CDC5L: variants seen among roughly 807,000 people sequenced by gnomAD.
CDC5L encodes the protein cell division cycle 5 like.
Under a neutral mutation model 104.1 loss-of-function variants are expected in CDC5L, and 18 were observed. The ratio of observed to expected loss-of-function variants is 0.17; its 90% CI spans 0.12 to 0.26. The LOEUF is 0.26. Among genes scored for constraint, CDC5L ranks in the 10% least tolerant of loss-of-function variants. The pLI, the probability that CDC5L is intolerant of heterozygous loss-of-function variation, is 1.00. For missense variants in CDC5L, 673 were observed against 956.9 expected (o/e 0.70, Z 3.91); for synonymous variants, 331 against 322.7 (o/e 1.03, Z -0.28).
intron 1 of CDC5L, 122 bp from the exon 2 acceptor site, chr6:44,390,146 G>T: frequency 3.2e-6 from 2 of 621,566 alleles, no homozygotes; most frequent in South Asian, 1.9e-5. Context: ...TTTAACCTAG[G>T]TGGTGTGTAT....
intron 3 of CDC5L, among the ~76,000 whole-genome samples, 183 bp from the exon 4 acceptor site, chr6:44,393,263 A>G (rs1790702963): frequency 6.7e-6 from 1 of 149,430 alleles, no homozygotes; most frequent in Non-Finnish European, 1.5e-5. Context: ...GAAACCAGTC[A>G]CTGAAATCAG....
chr6:44,411,642 G>GTGTGTGTGTGTGT (rs978560316), intron 8 of CDC5L, among the ~76,000 whole-genome samples: 3 of 151,008 alleles, frequency 2.0e-5, no homozygotes, highest in Admixed American at 6.6e-5. Flanking sequence ...GAGAGAGTGT[G>GTGTGTGTGTGTGT]TGTGTGTGTG....
intron 8 of CDC5L, among the ~76,000 whole-genome samples, chr6:44,411,608 C>CAG (rs1292898511): frequency 3.0e-5 from 4 of 135,442 alleles, no homozygotes; most frequent in East Asian, 3.4e-4. Context: ...CTGTGAGAGA[C>CAG]AGAGAGAGAG....
At chr6:44,391,835 C>T (rs1390827573) in intron 2 of CDC5L, among the ~76,000 whole-genome samples, 1 of 151,694 alleles carries the variant, frequency 6.6e-6, no homozygotes, top group South Asian at 2.1e-4. Context: ...GTGAAAACCC[C>T]GTCTCTTCTA....
In CDC5L at chr6:44,396,617, T is replaced by A. The variant is rs568205496; in HGVS notation, c.539+177T>A. 2.0e-5 allele frequency among the ~76,000 whole-genome samples: 3 copies of A among 151,908 alleles called. No homozygotes were observed. The East Asian group carries it at 5.9e-4, about 30-fold the overall frequency. ...CCTCTAATTCAGTTAACTCTAATAC[T>A]GTCTACCTGGAGATAGCTCCAGATC... is the stretch of plus-strand genomic sequence containing the variant. On this transcript the variant is annotated intron_variant, in intron 5 of 15. Transcript: ENST00000371477.
chr6:44,397,898 G>T (rs1051438586), intron 5 of CDC5L, among the ~76,000 whole-genome samples: 1 of 152,164 alleles, frequency 6.6e-6, no homozygotes, highest in African/African-American at 2.4e-5. Flanking sequence ...CAGAAACCAA[G>T]ATGATGTCAC....
intron 5 of CDC5L, 129 bp from the exon 6 acceptor site, chr6:44,403,680 G>GGT (rs1471760583): frequency 7.7e-6 from 5 of 651,034 alleles, no homozygotes; most frequent in Non-Finnish European, 7.7e-6. Flanking sequence ...TTTGGTGAAT[G>GGT]GTGTGAGGTA....
chr6:44,390,891 A>G (rs1333096579), intron 2 of CDC5L, among the ~76,000 whole-genome samples: 1 of 147,568 alleles, frequency 6.8e-6, no homozygotes, highest in Non-Finnish European at 1.5e-5. Context: ...TATATATTAT[A>G]TATTAAACAT....
intron 6 of CDC5L, among the ~76,000 whole-genome samples, chr6:44,404,961 T>A (rs1276478276): frequency 1.3e-5 from 2 of 152,216 alleles, no homozygotes; most frequent in African/African-American, 4.8e-5. Context: ...CACAAAGTGT[T>A]GGGATTACAG....
At chr6:44,416,220 G>A (rs1428829261) in intron 8 of CDC5L, among the ~76,000 whole-genome samples, 2 of 152,180 alleles carry the variant, frequency 1.3e-5, no homozygotes, top group Non-Finnish European at 2.9e-5. Flanking sequence ...TATGGGAAAA[G>A]CAGGGCATTA....
rs1425194753 is a variant in CDC5L at position 44,419,373 on chromosome 6, G to A, written c.1093-76G>A. On this transcript the variant is annotated intron_variant, in intron 8 of 15. Transcript: ENST00000371477. ...AAGGATTCTGCCTGCTTCAAGATTG[G>A]TATAGTAGGACCAGAAGAGATTCTG... The A allele has an allele frequency of 2.2e-6, 3 of 1,375,558 alleles. No homozygotes were observed. In the African/African-American group the frequency reaches 4.3e-5, roughly 20 times the overall value. 85.2% of individuals were successfully genotyped at this position (1,375,558 alleles called of 1,614,324 possible). A position where few individuals can be genotyped will look rare whatever the true frequency, so the allele number is the denominator to read the frequency against.
At chr6:44,404,304 C>T (rs895692869) in intron 6 of CDC5L, among the ~76,000 whole-genome samples, 1 of 151,958 alleles carries the variant, frequency 6.6e-6, no homozygotes, top group East Asian at 1.9e-4. Context: ...ACCACCACAC[C>T]TAGCTAATTT....
chr6:44,418,849 T>G (rs950240332), intron 8 of CDC5L, among the ~76,000 whole-genome samples: 8 of 151,196 alleles, frequency 5.3e-5, no homozygotes, highest in African/African-American at 1.9e-4. Flanking sequence ...TTGTTTGTTT[T>G]TTTTTTTTTT....
In CDC5L at chr6:44,389,923, T is replaced by A. The variant is rs11571908; in HGVS notation, c.46-345T>A. ...TTGTTGTTGTTGTGTTTTTTAGTTA[T>A]CCTTTTTGAAGAGAAGGACAGCCAC... On this transcript the variant is annotated intron_variant, in intron 1 of 15. Transcript: ENST00000371477. Among the ~76,000 whole-genome samples, 932 of 152,310 alleles carry A rather than the reference T, an allele frequency of 6.1e-3. 11 individuals carry two copies. The highest frequency in any genetic ancestry group is 0.02 in the African/African-American group (839 of 41,568).
chr6:44,406,299 C>T (rs1561970529), intron 6 of CDC5L, 24 bp from the exon 7 acceptor site: 3 of 1,556,848 alleles, frequency 1.9e-6, no homozygotes, highest in Non-Finnish European at 1.7e-6. Flanking sequence ...TTAAAAATCT[C>T]TTTTCTACTT....
chr6:44,396,300 A>G (rs978607194), intron 4 of CDC5L, 41 bp from the exon 5 acceptor site: 1 of 1,367,808 alleles, frequency 7.3e-7, no homozygotes, highest in African/African-American at 1.4e-5. Flanking sequence ...GTATGTAAGA[A>G]CTAAGAAAAT....
chr6:44,392,262 TAAAG>T (rs1790656771), intron 2 of CDC5L, among the ~76,000 whole-genome samples: 1 of 152,140 alleles, frequency 6.6e-6, no homozygotes, highest in Non-Finnish European at 1.5e-5. Context: ...GTCAAATGCT[TAAAG>T]AAATAAGCCA....
chr6:44,393,670 C>G, intron 4 of CDC5L, 97 bp downstream of exon 4: 1 of 1,277,744 alleles, frequency 7.8e-7, no homozygotes, highest in Non-Finnish European at 1.1e-6. Flanking sequence ...ACTTTAGAAT[C>G]CCTTTTTTTT....
chr6:44,414,771 A>G (rs1018405604), intron 8 of CDC5L, among the ~76,000 whole-genome samples: 2 of 152,140 alleles, frequency 1.3e-5, no homozygotes, highest in African/African-American at 4.8e-5. Context: ...GCAGTACAGA[A>G]GGCTTATATT....
Sources: allele counts gnomAD v4.1 joint callset (sites outside exome capture counted in the v4.1 genomes callset), GRCh38; gene constraint gnomAD v4.1.1; transcripts MANE v1.5; gene names NCBI Gene and HGNC (gene_info 2026-07-23, HGNC 2026-07-21).